ANKRD33B: variants seen among roughly 807,000 people sequenced by gnomAD.
The protein encoded by ANKRD33B is ankyrin repeat domain 33B.
In ANKRD33B, 6 loss-of-function variants were observed where a neutral mutation model predicts 21.5. The observed-to-expected ratio is 0.28, with a 90% CI of 0.15 to 0.55. The LOEUF (loss-of-function observed/expected upper bound fraction) is 0.55. Among genes scored for constraint, ANKRD33B ranks in the 20% least tolerant of loss-of-function variants. The pLI is 0.94. For synonymous variants in ANKRD33B, 347 were observed against 342.4 expected (o/e 1.01, Z -0.15); for missense variants, 698 against 747.2 (o/e 0.93, Z 0.77).
rs533436406 is a variant in ANKRD33B at position 10,642,165 on chromosome 5, G to A, written c.637+3997G>A. 5.9e-5 allele frequency among the ~76,000 whole-genome samples: 9 copies of A among 152,226 alleles called. No homozygotes were observed. In the South Asian group the frequency reaches 1.9e-3, roughly 32 times the overall value. The stretch of plus-strand genomic sequence containing the variant: ...CCTCTAATCGCTCCGTTTGACTGCC[G>A]TGCTTTCTTCCCTGGGTCTCCTGGG... On this transcript the variant is annotated intron_variant, in intron 3 of 3. Coordinates refer to ENST00000296657, the MANE Select transcript of ANKRD33B (RefSeq NM_001164440.2).
intron 1 of ANKRD33B, among the ~76,000 whole-genome samples, chr5:10,604,525 GAAAAA>G (rs1158199372): frequency 2.3e-5 from 3 of 133,226 alleles, no homozygotes; most frequent in Non-Finnish European, 4.9e-5. Flanking sequence ...AAAAAAAAAA[GAAAAA>G]AAAAAGAAAA....
chr5:10,614,319 C>A (rs1445140528), intron 1 of ANKRD33B, among the ~76,000 whole-genome samples: 1 of 152,220 alleles, frequency 6.6e-6, no homozygotes, highest in Non-Finnish European at 1.5e-5. Context: ...AGAATACCTT[C>A]ACAGAAATAG....
rs1011525548 is a variant in ANKRD33B, at chr5:10,594,313, G to A, written c.367-24020G>A. On this transcript the variant is annotated intron_variant, in intron 1 of 3. Coordinates refer to ENST00000296657, the MANE Select transcript of ANKRD33B (RefSeq NM_001164440.2). ...GCCCACCACAACCTCCGCTTGCCGG[G>A]TTCAAGCGATTCTCCTGCCTCAGGC... Among the ~76,000 whole-genome samples, 3 of 150,236 alleles carry A rather than the reference G, an allele frequency of 2.0e-5. 1 individual carries two copies. The South Asian group carries it at 6.3e-4, about 31-fold the overall frequency.
chr5:10,612,784 G>C (rs965694631), intron 1 of ANKRD33B, among the ~76,000 whole-genome samples: 8 of 152,192 alleles, frequency 5.3e-5, no homozygotes, highest in Non-Finnish European at 8.8e-5. Context: ...AAAACATCCT[G>C]AGATGATTGA....
At chr5:10,637,660 T>C (rs888151629) in intron 2 of ANKRD33B, among the ~76,000 whole-genome samples, 2 of 152,092 alleles carry the variant, frequency 1.3e-5, no homozygotes, top group African/African-American at 4.8e-5. Flanking sequence ...GGGCGTCTCC[T>C]GCTGGGAGTT....
rs552899043 is a variant in ANKRD33B at position 10,657,234 on chromosome 5, A to G, written c.*7121A>G. On this transcript the variant is annotated 3_prime_UTR_variant, in exon 4 of 4. Transcript: ENST00000296657. ...CGACTGAATTTGAAAATAATACCCC[A>G]TTCAGATGAACATTAAAAGCCAATG... 6.6e-6 allele frequency: 1 copy of G among 152,472 alleles called. No individual in the cohort carries two copies. Among genetic ancestry groups the G allele is most frequent in the East Asian group, 1.9e-4 (1 of 5,320 alleles). 9.4% of individuals were successfully genotyped at this position (152,472 alleles called of 1,614,324 possible).
chr5:10,598,617 A>G (rs1376481041), intron 1 of ANKRD33B, among the ~76,000 whole-genome samples: 1 of 152,068 alleles, frequency 6.6e-6, no homozygotes, highest in African/African-American at 2.4e-5. Flanking sequence ...ATTTTTTTTA[A>G]TGTTTAGAGA....
chr5:10,599,583 A>G (rs1263163815), intron 1 of ANKRD33B, among the ~76,000 whole-genome samples: 3 of 152,112 alleles, frequency 2.0e-5, no homozygotes, highest in Non-Finnish European at 4.4e-5. Context: ...AGAATCATAC[A>G]ATATTTGTCT....
intron 1 of ANKRD33B, among the ~76,000 whole-genome samples, chr5:10,593,640 T>G (rs1283577754): frequency 6.6e-6 from 1 of 151,954 alleles, no homozygotes; most frequent in Non-Finnish European, 1.5e-5. Context: ...GCTCTGAGTC[T>G]TCACCTCTCC....
chr5:10,564,799 T>C lies in ANKRD33B; in HGVS notation c.332T>C (p.Val111Ala). Reference protein sequence around the residue: ...LRTLVRRGVSVEEAQETDRNG... With the variant: ...LRTLVRRGVSAEEAQETDRNG... ...ACGCTGGTGCGGCGCGGGGTGAGCGTCGAGGAGGCGCAGGAGACTGACCGC... is the reference window on the plus strand; with the variant it reads ...ACGCTGGTGCGGCGCGGGGTGAGCGCCGAGGAGGCGCAGGAGACTGACCGC... The change falls in exon 1 of 4, where the codon GTC becomes GCC. Residue 111 changes from valine to alanine, a missense_variant. Val to Ala is a moderately conservative substitution (Grantham distance 64, BLOSUM62 0). Around this residue, in one of 3 missense-constraint regions of ANKRD33B, gnomAD observed 7 missense variants for 25.8 expected, o/e 0.27. Coordinates refer to ENST00000296657, the MANE Select transcript of ANKRD33B (RefSeq NM_001164440.2). 2 of 1,521,768 alleles carry C rather than the reference T, an allele frequency of 1.3e-6. No individual in the cohort carries two copies. The highest frequency in any genetic ancestry group is 2.0e-5 in the Admixed American group (1 of 50,572). 94.3% of individuals were successfully genotyped at this position (1,521,768 alleles called of 1,614,324 possible). A position where few individuals can be genotyped will look rare whatever the true frequency, so the allele number is the denominator to read the frequency against.
chr5:10,629,441 C>T (rs1294731965), intron 2 of ANKRD33B, among the ~76,000 whole-genome samples: 3 of 152,004 alleles, frequency 2.0e-5, no homozygotes, highest in Non-Finnish European at 2.9e-5. Flanking sequence ...TGAGTCCAGC[C>T]GTCTGGCTTG....
intron 1 of ANKRD33B, among the ~76,000 whole-genome samples, chr5:10,600,635 A>G (rs1401173519): frequency 6.6e-6 from 1 of 152,234 alleles, no homozygotes; most frequent in Non-Finnish European, 1.5e-5. Context: ...TCTTGTATAC[A>G]TCTTCATGTG....
At position 10,613,281 on chromosome 5, in the gene ANKRD33B, ATT is replaced by A. The variant is rs10572843; in HGVS notation, c.367-5032_367-5031del. ...ATTGTAAAACTATTTCTTAATGAGG[ATT>A]TTTTTTTTTTTTTTTTTTTGAGATA... On this transcript the variant is annotated intron_variant, in intron 1 of 3. Transcript: ENST00000296657. Among the ~76,000 whole-genome samples, 806 of 131,660 alleles carry A rather than the reference ATT, an allele frequency of 6.1e-3. 9 individuals are homozygous for A. Among genetic ancestry groups the A allele is most frequent in the African/African-American group, 0.018 (626 of 35,580 alleles). 86.4% of individuals were successfully genotyped at this position (131,660 alleles called of 152,430 possible).
Position 10,638,090 on chromosome 5 carries a change from A to G in ANKRD33B, c.559A>G (p.Asn187Asp). Residue 187 changes from asparagine to aspartate, a missense_variant, in exon 3 of 4, where the codon AAC (asparagine) becomes GAC (aspartate). Transcript: ENST00000296657. Reference sequence around the variant, plus strand: ...CCCTGGTCTTGACCTTGAAAGGAGGAACGCGTTCGGGTTCACCGCCCTGAT... The same window carrying G: ...CCCTGGTCTTGACCTTGAAAGGAGGGACGCGTTCGGGTTCACCGCCCTGAT... ...YFPGLDLERR[N>D]AFGFTALMKA... The G allele has an allele frequency of 6.5e-7, 1 of 1,537,532 alleles. No homozygotes were observed. The highest frequency in any genetic ancestry group is 8.7e-7 in the Non-Finnish European group (1 of 1,146,946).
Position 10,615,766 on chromosome 5 carries a change from G to A in ANKRD33B, c.367-2567G>A, listed in dbSNP as rs150828823. ...TGTTTTATTTATAAGTCAGGAAATT[G>A]TAGAATACTAGAGCAATATCTCCAT... On this transcript the variant is annotated intron_variant, in intron 1 of 3. Coordinates refer to ENST00000296657, the MANE Select transcript of ANKRD33B (RefSeq NM_001164440.2). Among the ~76,000 whole-genome samples, 157 of 152,348 alleles carry A rather than the reference G, an allele frequency of 1.0e-3. 6 individuals carry two copies. In the East Asian group the frequency reaches 0.027, roughly 27 times the overall value.
At chr5:10,632,950 G>C (rs1736762260) in intron 2 of ANKRD33B, among the ~76,000 whole-genome samples, 1 of 151,974 alleles carries the variant, frequency 6.6e-6, no homozygotes. Flanking sequence ...ACCACTCCCA[G>C]CTAATTTTTC....
chr5:10,613,782 C>T (rs1411152243), intron 1 of ANKRD33B, among the ~76,000 whole-genome samples: 3 of 151,862 alleles, frequency 2.0e-5, no homozygotes, highest in Admixed American at 6.6e-5. Context: ...CGCCTGTAGT[C>T]CCAGCTACTT....
rs1442905889 is a variant in ANKRD33B, at chr5:10,649,953, C to A, written c.1325C>A (p.Ala442Glu). 2 of 1,531,142 alleles carry A rather than the reference C, an allele frequency of 1.3e-6. No homozygotes were observed. Among genetic ancestry groups the A allele is most frequent in the South Asian group, 1.2e-5 (1 of 83,592 alleles). 94.8% of individuals were successfully genotyped at this position (1,531,142 alleles called of 1,614,324 possible). The part of the protein sequence containing the change: ...PAPTFQPERP[A>E]RKGSTKDSGH... ...CCCACCTTCCAGCCCGAGCGGCCGG[C>A]GCGGAAGGGCAGCACCAAGGACAGC... Residue 442 changes from alanine (A) to glutamate (E), a missense_variant, in exon 4 of 4, where the codon GCG becomes GAG. Coordinates refer to ENST00000296657, the MANE Select transcript of ANKRD33B (RefSeq NM_001164440.2).
chr5:10,632,598 G>T (rs1736752112), intron 2 of ANKRD33B, among the ~76,000 whole-genome samples: 1 of 152,044 alleles, frequency 6.6e-6, no homozygotes, highest in African/African-American at 2.4e-5. Context: ...CGGGGTTGGG[G>T]GCTGGGCTCC....
Sources: allele counts gnomAD v4.1 joint callset (sites outside exome capture counted in the v4.1 genomes callset), GRCh38; gene constraint gnomAD v4.1.1; regional missense constraint gnomAD v4.1.1; transcripts MANE v1.5; gene names NCBI Gene and HGNC (gene_info 2026-07-23, HGNC 2026-07-21).